Variants in DLG2 observed in about 807,000 individuals in gnomAD.
DLG2 encodes discs large MAGUK scaffold protein 2.
A neutral mutation model predicts 132.5 loss-of-function variants in DLG2; 45 were observed. That is an observed-to-expected ratio of 0.34 (90% CI 0.27 to 0.44). The LOEUF is 0.44. DLG2 is among the 20% of genes least tolerant of loss of function. DLG2 has a pLI of 1.00. For missense variants in DLG2, 1,045 were observed against 1,196.9 expected, an observed-to-expected ratio of 0.87 and a Z score of 1.87; for synonymous variants, 424 against 419.6, an observed-to-expected ratio of 1.01 and a Z score of -0.13.
At position 85,115,134 on chromosome 11, in the gene DLG2, T is replaced by C. The variant is rs75141984; in HGVS notation, c.283-3399A>G. ...TGAGAAGTATTGCATGATAGAACTG[T>C]ACACATATTTGCTCATTCATTTACC... On this transcript the variant is annotated intron_variant, in intron 5 of 27. Coordinates refer to ENST00000376104, the MANE Select transcript of DLG2 (RefSeq NM_001142699.3). 9.8e-3 allele frequency among the ~76,000 whole-genome samples: 1,489 copies of C among 151,960 alleles called. 21 individuals carry two copies. Among genetic ancestry groups the C allele is most frequent in the African/African-American group, 0.033 (1,352 of 41,478 alleles).
intron 6 of DLG2, among the ~76,000 whole-genome samples, chr11:84,807,923 T>C (rs532218414): frequency 2.1e-4 from 32 of 152,294 alleles, no homozygotes; most frequent in Admixed American, 8.5e-4. Context: ...CACTCCTTTA[T>C]TGACAATTCA....
chr11:84,093,532 T>G lies in DLG2; in HGVS notation c.749+5391A>C, dbSNP rs572993804. 1.1e-4 allele frequency among the ~76,000 whole-genome samples: 16 copies of G among 152,374 alleles called. No homozygotes were observed. The South Asian group carries it at 3.3e-3, about 32-fold the overall frequency. Reference sequence around the variant, plus strand: ...CTATTTTAAGGTAAATTATACCATATAAAAATCATAGGAGTGACATCTCAT... The same window carrying G: ...CTATTTTAAGGTAAATTATACCATAGAAAAATCATAGGAGTGACATCTCAT... On this transcript the variant is annotated intron_variant, in intron 10 of 27. Transcript: ENST00000376104.
At chr11:83,801,199 T>C (rs1041236303) in intron 17 of DLG2, among the ~76,000 whole-genome samples, 1 of 152,034 alleles carries the variant, frequency 6.6e-6, no homozygotes, top group African/African-American at 2.4e-5. Context: ...TTCCATGCAT[T>C]TTCTCTAACT....
At chr11:83,908,440 C>G (rs1280133540) in intron 15 of DLG2, among the ~76,000 whole-genome samples, 1 of 151,926 alleles carries the variant, frequency 6.6e-6, no homozygotes, top group African/African-American at 2.4e-5. Context: ...TTTTTTCTCT[C>G]TCTCTCTCCA....
At chr11:85,015,822 T>C (rs1423613731) in intron 6 of DLG2, among the ~76,000 whole-genome samples, 1 of 152,272 alleles carries the variant, frequency 6.6e-6, no homozygotes, top group East Asian at 1.9e-4. Context: ...CATGATTTCA[T>C]CTCTTAATAA....
intron 16 of DLG2, 58 bp from the exon 17 acceptor site, chr11:83,833,828 CT>C: frequency 1.3e-6 from 2 of 1,555,702 alleles, no homozygotes; most frequent in Non-Finnish European, 1.7e-6. Context: ...ATTTACGTTG[CT>C]TTTACTTTCA....
chr11:83,798,998 A>G (rs1337253784), intron 17 of DLG2, among the ~76,000 whole-genome samples: 1 of 152,206 alleles, frequency 6.6e-6, no homozygotes, highest in Non-Finnish European at 1.5e-5. Context: ...AAATTTAATT[A>G]TTTCTATGGC....
chr11:84,683,665 T>C (rs1262573621), intron 6 of DLG2, among the ~76,000 whole-genome samples: 1 of 152,078 alleles, frequency 6.6e-6, no homozygotes, highest in Non-Finnish European at 1.5e-5. Flanking sequence ...TGGTAGGAAA[T>C]GGGCTGAAGT....
intron 6 of DLG2, among the ~76,000 whole-genome samples, chr11:84,657,692 G>C (rs891480915): frequency 6.6e-6 from 1 of 152,128 alleles, no homozygotes; most frequent in Admixed American, 6.6e-5. Context: ...AGGAAGTAGA[G>C]CTCAGGCAGT....
chr11:85,415,470 C>A (rs1436520552), intron 3 of DLG2, among the ~76,000 whole-genome samples: 1 of 152,148 alleles, frequency 6.6e-6, no homozygotes, highest in Admixed American at 6.6e-5. Flanking sequence ...ATTTACACTC[C>A]CAACGACAGT....
At chr11:83,486,273 T>G (rs1394905338) in intron 21 of DLG2, 1 of 687,692 alleles carries the variant, frequency 1.5e-6, no homozygotes, top group Admixed American at 2.1e-5. Flanking sequence ...AGAAAAAAAA[T>G]CATGTAAGAA....
chr11:83,662,870 T>C (rs1381236983), intron 18 of DLG2, among the ~76,000 whole-genome samples: 1 of 152,198 alleles, frequency 6.6e-6, no homozygotes, highest in Admixed American at 6.5e-5. Flanking sequence ...TCACAGGATT[T>C]TGTGGCTCTC....
intron 7 of DLG2, among the ~76,000 whole-genome samples, chr11:84,447,561 T>A (rs948307036): frequency 6.6e-6 from 1 of 152,178 alleles, no homozygotes; most frequent in Non-Finnish European, 1.5e-5. Flanking sequence ...AAATATTTCA[T>A]AAATTTAAAG....
Position 84,712,687 on chromosome 11 carries a change from T to A in DLG2, c.358-177956A>T, listed in dbSNP as rs192561399. ...AAATAGAAAAAAAATCCACTTATTT[T>A]ATAGTTACCACATACCAGGCATTGT... On this transcript the variant is annotated intron_variant, in intron 6 of 27. Coordinates refer to ENST00000376104, the MANE Select transcript of DLG2 (RefSeq NM_001142699.3). Among the ~76,000 whole-genome samples the A allele has an allele frequency of 2.2e-4, 33 of 152,256 alleles. No homozygotes were observed. The South Asian group carries it at 5.6e-3, about 26-fold the overall frequency.
At chr11:83,999,091 C>T (rs1489907548) in intron 11 of DLG2, among the ~76,000 whole-genome samples, 2 of 152,154 alleles carry the variant, frequency 1.3e-5, no homozygotes, top group Non-Finnish European at 2.9e-5. Context: ...GTGGCTACTA[C>T]CAGTCACACC....
At chr11:84,169,249 G>T (rs1433403997) in intron 8 of DLG2, among the ~76,000 whole-genome samples, 1 of 152,064 alleles carries the variant, frequency 6.6e-6, no homozygotes, top group African/African-American at 2.4e-5. Flanking sequence ...TTTCTTCTCA[G>T]TTTCTACTTC....
intron 6 of DLG2, among the ~76,000 whole-genome samples, chr11:84,585,548 T>G (rs1369066116): frequency 6.6e-6 from 1 of 152,234 alleles, no homozygotes; most frequent in Admixed American, 6.5e-5. Flanking sequence ...CAAAAAGTCC[T>G]GTTAAGATTT....
At chr11:84,738,780 T>C (rs1306687744) in intron 6 of DLG2, among the ~76,000 whole-genome samples, 2 of 152,184 alleles carry the variant, frequency 1.3e-5, no homozygotes, top group African/African-American at 4.8e-5. Context: ...TTTCTAGGTA[T>C]TCAAGAGAAA....
At position 84,784,321 on chromosome 11, in the gene DLG2, A is replaced by AAAATACAT. The variant is rs533592059; in HGVS notation, c.358-249591_358-249590insATGTATTT. ...GGCAACAAGAGCGAAACTCCACCTCAAAATAAATAAATAAATAAATAAATA... is the reference window on the plus strand; with the variant it reads ...GGCAACAAGAGCGAAACTCCACCTCAAAATACATAAATAAATAAATAAATAAATAAATA... On this transcript the variant is annotated intron_variant, in intron 6 of 27. Transcript: ENST00000376104. Among the ~76,000 whole-genome samples the AAAATACAT allele has an allele frequency of 5.6e-5, 7 of 124,466 alleles. No individual in the cohort carries two copies. The East Asian group carries it at 1.6e-3, about 28-fold the overall frequency. 81.7% of individuals were successfully genotyped at this position (124,466 alleles called of 152,430 possible). A position where few individuals can be genotyped will look rare whatever the true frequency, so the allele number is the denominator to read the frequency against.
Sources: allele counts gnomAD v4.1 joint callset (sites outside exome capture counted in the v4.1 genomes callset), GRCh38; gene constraint gnomAD v4.1.1; transcripts MANE v1.5; gene names NCBI Gene and HGNC (gene_info 2026-07-23, HGNC 2026-07-21).